The following TENM4 variants were observed in gnomAD, a reference collection of about 807,000 sequenced individuals.
The protein encoded by TENM4 is teneurin-4.
A neutral mutation model predicts 243.3 loss-of-function variants in TENM4; 82 were observed. The observed-to-expected ratio is 0.34, with a 90% confidence interval of 0.28 to 0.40. The LOEUF is 0.40. TENM4 is among the 10% of genes least tolerant of loss of function. The pLI is 1.00. For missense variants in TENM4, 3,138 were observed against 3,673.3 expected (o/e 0.85, Z 3.77); for synonymous variants, 1,412 against 1,456.3 (o/e 0.97, Z 0.69).
intron 19 of TENM4, among the ~76,000 whole-genome samples, chr11:78,751,431 T>C (rs1015036938): frequency 6.6e-6 from 1 of 152,264 alleles, no homozygotes; most frequent in East Asian, 1.9e-4. Flanking sequence ...GCCAATAACC[T>C]ATTAGAATTA....
At chr11:79,221,719 T>A (rs1864159174) in intron 2 of TENM4, among the ~76,000 whole-genome samples, 1 of 152,202 alleles carries the variant, frequency 6.6e-6, no homozygotes. Context: ...AGCAGCTGCA[T>A]ATTTTTAATG....
intron 22 of TENM4, among the ~76,000 whole-genome samples, chr11:78,726,459 A>G (rs1855512684): frequency 6.6e-6 from 1 of 152,226 alleles, no homozygotes; most frequent in African/African-American, 2.4e-5. Context: ...TAAATGTACC[A>G]ATTACTTTAA....
intron 6 of TENM4, among the ~76,000 whole-genome samples, chr11:78,917,953 C>A (rs182002400): frequency 6.6e-6 from 1 of 152,150 alleles, no homozygotes; most frequent in East Asian, 1.9e-4. Flanking sequence ...GCTAAGAACA[C>A]GCATGACACA....
At chr11:78,919,845 T>C (rs1856409456) in intron 6 of TENM4, among the ~76,000 whole-genome samples, 1 of 152,110 alleles carries the variant, frequency 6.6e-6, no homozygotes, top group African/African-American at 2.4e-5. Context: ...GTGCCTTTCC[T>C]AGACCCTCCT....
intron 12 of TENM4, among the ~76,000 whole-genome samples, chr11:78,845,269 T>C (rs954585288): frequency 6.6e-6 from 1 of 152,260 alleles, no homozygotes; most frequent in Non-Finnish European, 1.5e-5. Flanking sequence ...TGCTGAATAC[T>C]TGACACATTT....
At chr11:78,686,363 A>G (rs534544974) in intron 29 of TENM4, among the ~76,000 whole-genome samples, 2 of 152,308 alleles carry the variant, frequency 1.3e-5, no homozygotes, top group Admixed American at 6.5e-5. Context: ...CTCTTCGTCT[A>G]TACCCTTGGT....
chr11:78,656,944 A>T lies in TENM4; in HGVS notation c.*1114T>A. ...GGCTTTTTTTGTTAAGCATTTTTCC[A>T]GAATCAAAGGCCACCAAGCACCTCC... On this transcript the variant is annotated 3_prime_UTR_variant, in exon 34 of 34. Transcript: ENST00000278550. 2.5e-6 allele frequency: 1 copy of T among 398,190 alleles called. No individual in the cohort carries two copies. 24.7% of individuals were successfully genotyped at this position (398,190 alleles called of 1,614,324 possible).
rs556738690 is a variant in TENM4 at position 78,962,462 on chromosome 11, G to T, written c.494-58939C>A. 3.4e-5 allele frequency among the ~76,000 whole-genome samples: 5 copies of T among 149,050 alleles called. No homozygotes were observed. In the South Asian group the frequency reaches 8.9e-4, roughly 27 times the overall value. On this transcript the variant is annotated intron_variant, in intron 6 of 33. Coordinates refer to ENST00000278550, the MANE Select transcript of TENM4 (RefSeq NM_001098816.3). The stretch of plus-strand genomic sequence containing the variant: ...AAAACACTCATCAACGGGAAGGGGG[G>T]GCTCCCAACACGGGGCGATCTACTG...
chr11:78,890,626 A>G (rs1855641688), intron 8 of TENM4, among the ~76,000 whole-genome samples: 1 of 152,188 alleles, frequency 6.6e-6, no homozygotes, highest in African/African-American at 2.4e-5. Context: ...AATGCCTTCA[A>G]AGCACTCTGT....
chr11:78,708,297 G>C (rs1312197837), intron 27 of TENM4, 64 bp downstream of exon 27: 21 of 1,597,882 alleles, frequency 1.3e-5, no homozygotes, highest in Non-Finnish European at 1.5e-5. Flanking sequence ...CAGCAGGCTG[G>C]CTGGGTGGCA....
intron 19 of TENM4, among the ~76,000 whole-genome samples, 177 bp from the exon 20 acceptor site, chr11:78,738,747 T>C (rs1855855143): frequency 6.6e-6 from 1 of 152,146 alleles, no homozygotes; most frequent in Non-Finnish European, 1.5e-5. Context: ...ATCACCTCAG[T>C]TTAGGGCATC....
chr11:78,892,390 G>T (rs1855688491), intron 7 of TENM4, among the ~76,000 whole-genome samples: 1 of 152,192 alleles, frequency 6.6e-6, no homozygotes, highest in African/African-American at 2.4e-5. Context: ...AGCCAACTTT[G>T]GACCCAGCCC....
chr11:79,142,842 A>G (rs1401954154), intron 4 of TENM4, among the ~76,000 whole-genome samples: 1 of 152,090 alleles, frequency 6.6e-6, no homozygotes, highest in East Asian at 1.9e-4. Context: ...ACCTACAGTG[A>G]ACTCATTTAC....
rs200713317 is a variant in TENM4 at position 78,688,222 on chromosome 11, C to T, written c.5092G>A (p.Asp1698Asn). The change falls in exon 29 of 34, where the codon GAC becomes AAC. Residue 1698 changes from aspartate (D) to asparagine (N), a missense_variant. This residue lies in a region of TENM4 where 2,467 missense variants were observed against 3,059.1 expected (regional missense o/e 0.81). Coordinates refer to ENST00000278550, the MANE Select transcript of TENM4 (RefSeq NM_001098816.3). Reference protein sequence around the residue: ...ENGWTTFYEYDSFGRLTNVTF... With the variant: ...ENGWTTFYEYNSFGRLTNVTF... The stretch of plus-strand genomic sequence containing the variant: ...ACATTTGTCAGGCGGCCAAAGCTGT[C>T]GTACCTGGAAACCAAGGGGTGGCAC... 25 of 1,612,418 alleles carry T rather than the reference C, an allele frequency of 1.6e-5. No individual in the cohort carries two copies. In the South Asian group the frequency reaches 1.8e-4, roughly 11 times the overall value.
At chr11:78,859,810 T>C (rs578067542) in intron 10 of TENM4, among the ~76,000 whole-genome samples, 1 of 152,354 alleles carries the variant, frequency 6.6e-6, no homozygotes, top group East Asian at 1.9e-4. Context: ...TTCAAACTAA[T>C]GGGCAATTTT....
At chr11:79,163,976 G>C (rs1862825393) in intron 3 of TENM4, among the ~76,000 whole-genome samples, 2 of 128,954 alleles carry the variant, frequency 1.6e-5, no homozygotes, top group Non-Finnish European at 3.1e-5. Flanking sequence ...TCTATATATA[G>C]TGTATATATA....
chr11:79,312,443 T>C (rs1012452477), intron 1 of TENM4, among the ~76,000 whole-genome samples: 1 of 152,232 alleles, frequency 6.6e-6, no homozygotes, highest in Non-Finnish European at 1.5e-5. Context: ...ACCATACATA[T>C]ATTAGCATAT....
intron 2 of TENM4, among the ~76,000 whole-genome samples, chr11:79,278,920 A>G (rs921999054): frequency 7.2e-5 from 11 of 152,320 alleles, no homozygotes; most frequent in Middle Eastern, 3.4e-3. Context: ...CTAAAGGGAA[A>G]TCTCACAGGC....
intron 6 of TENM4, among the ~76,000 whole-genome samples, chr11:78,908,506 C>CA (rs1307224491): frequency 2.0e-5 from 3 of 152,054 alleles, no homozygotes; most frequent in Admixed American, 6.5e-5. Context: ...GGTTCCAAAG[C>CA]AAAAAACCTT....
Sources: gnomAD v4.1 joint callset for allele counts (sites outside exome capture counted in the v4.1 genomes callset) on GRCh38, gnomAD v4.1.1 for gene constraint, gnomAD v4.1.1 regional missense constraint, MANE v1.5 for transcripts, NCBI Gene and HGNC (gene_info 2026-07-23, HGNC 2026-07-21) for gene names.